Variants in OPN3 observed in about 807,000 individuals in gnomAD.
The protein encoded by OPN3 is opsin-3.
In OPN3, 29 loss-of-function variants were observed where a neutral mutation model predicts 33.8. That is an observed-to-expected ratio of 0.86 (90% CI 0.64 to 1.17). OPN3 has a LOEUF of 1.17. Ranked by LOEUF, OPN3 falls within the 50% of genes most tolerant of loss-of-function variation. The pLI is 0.00. For synonymous variants in OPN3, 216 were observed against 216.1 expected, an observed-to-expected ratio of 1.00 and a Z score of 0.00; for missense variants, 437 against 514.1, an observed-to-expected ratio of 0.85 and a Z score of 1.45.
chr1:241,625,627 A>G (rs1664398321), intron 1 of OPN3, among the ~76,000 whole-genome samples: 1 of 152,190 alleles, frequency 6.6e-6, no homozygotes, highest in African/African-American at 2.4e-5. Flanking sequence ...AAACCACCAG[A>G]AGGAAGCCAC....
intron 1 of OPN3, among the ~76,000 whole-genome samples, chr1:241,606,116 G>A (rs1181117531): frequency 2.0e-5 from 3 of 152,168 alleles, no homozygotes; most frequent in Admixed American, 6.5e-5. Context: ...GACATGATGG[G>A]ACCTCAGCTA....
intron 1 of OPN3, chr1:241,629,362 A>C (rs557566435): frequency 6.6e-6 from 1 of 152,302 alleles, no homozygotes; most frequent in African/African-American, 2.4e-5. Context: ...ACATGCAATT[A>C]AAACAGTTTT....
intron 1 of OPN3, chr1:241,635,115 T>C (rs1341311503): frequency 6.2e-7 from 1 of 1,612,864 alleles, no homozygotes; most frequent in Non-Finnish European, 8.5e-7. Flanking sequence ...TGAGAGTAAG[T>C]AATCCTATTT....
chr1:241,610,902 T>C (rs1663972312), intron 1 of OPN3, among the ~76,000 whole-genome samples: 1 of 152,312 alleles, frequency 6.6e-6, no homozygotes, highest in African/African-American at 2.4e-5. Context: ...AAAACTGAGA[T>C]AATAGTACCA....
intron 1 of OPN3, among the ~76,000 whole-genome samples, chr1:241,607,241 G>A (rs113244595): frequency 3.0e-4 from 46 of 152,298 alleles, no homozygotes; most frequent in African/African-American, 8.2e-4. Context: ...AAGGCTGGGC[G>A]TGGTGGCTCA....
chr1:241,638,836 T>C (rs1001530576), intron 1 of OPN3, among the ~76,000 whole-genome samples: 4 of 152,194 alleles, frequency 2.6e-5, no homozygotes, highest in African/African-American at 9.7e-5. Context: ...TAAGAAAATA[T>C]TTTTGATAAT....
intron 1 of OPN3, among the ~76,000 whole-genome samples, chr1:241,616,144 A>C (rs1157632114): frequency 6.6e-6 from 1 of 152,094 alleles, no homozygotes; most frequent in Non-Finnish European, 1.5e-5. Context: ...CCTCTCTCTA[A>C]GATTTGGCCT....
intron 2 of OPN3, 83 bp downstream of exon 2, chr1:241,604,177 A>C (rs1293812011): frequency 3.1e-6 from 4 of 1,288,034 alleles, no homozygotes; most frequent in Non-Finnish European, 4.4e-6. Context: ...CTGATGACAT[A>C]GGAAGACTTT....
intron 1 of OPN3, chr1:241,634,148 T>C: frequency 6.2e-7 from 1 of 1,613,374 alleles, no homozygotes; most frequent in Non-Finnish European, 8.5e-7. Context: ...AAGTTCTTCC[T>C]CGTTTATTTC....
At chr1:241,606,542 A>G (rs1460094446) in intron 1 of OPN3, among the ~76,000 whole-genome samples, 1 of 125,024 alleles carries the variant, frequency 8.0e-6, no homozygotes, top group Non-Finnish European at 1.7e-5. Flanking sequence ...TGAGACTCTG[A>G]TTCAAAATAA....
At chr1:241,628,331 G>GT (rs1205763045) in intron 1 of OPN3, among the ~76,000 whole-genome samples, 3 of 152,080 alleles carry the variant, frequency 2.0e-5, no homozygotes, top group Non-Finnish European at 2.9e-5. Flanking sequence ...ACTTATTTTT[G>GT]TATCTCTAAT....
chr1:241,605,067 A>AT (rs1553354028), intron 1 of OPN3, among the ~76,000 whole-genome samples: 4 of 90,946 alleles, frequency 4.4e-5, no homozygotes, highest in Admixed American at 1.1e-4. Flanking sequence ...AAAAAAAAAA[A>AT]AATAAAATAA....
intron 1 of OPN3, chr1:241,639,042 G>A (rs1665010737): frequency 6.6e-6 from 1 of 152,188 alleles, no homozygotes; most frequent in Middle Eastern, 3.2e-3. Context: ...TTGCTGAGTT[G>A]TTGATCATCC....
intron 1 of OPN3, among the ~76,000 whole-genome samples, chr1:241,614,445 T>C (rs1160945244): frequency 6.6e-6 from 1 of 152,234 alleles, no homozygotes; most frequent in Non-Finnish European, 1.5e-5. Context: ...CATTGCATTT[T>C]TTTTCTATTA....
chr1:241,635,388 C>T (rs776665085), intron 1 of OPN3: 11 of 1,613,990 alleles, frequency 6.8e-6, no homozygotes, highest in Non-Finnish European at 5.9e-6. Context: ...GTATTAGACA[C>T]CCCCAAAGAA....
At chr1:241,609,169 G>T (rs1020671369) in intron 1 of OPN3, among the ~76,000 whole-genome samples, 6 of 152,122 alleles carry the variant, frequency 3.9e-5, no homozygotes, top group Non-Finnish European at 8.8e-5. Flanking sequence ...TACTTCAAAT[G>T]GTGCATCCAT....
chr1:241,625,647 T>G (rs1664398746), intron 1 of OPN3, among the ~76,000 whole-genome samples: 1 of 152,148 alleles, frequency 6.6e-6, no homozygotes, highest in South Asian at 2.1e-4. Context: ...CTGTGAAGAT[T>G]GGCGAGGGAA....
At chr1:241,637,912 T>TC (rs1442142032) in intron 1 of OPN3, among the ~76,000 whole-genome samples, 1 of 152,144 alleles carries the variant, frequency 6.6e-6, no homozygotes, top group African/African-American at 2.4e-5. Context: ...TTTAACTTCC[T>TC]CCCCTTCAAT....
intron 1 of OPN3, chr1:241,629,629 T>G (rs1664540751): frequency 6.6e-6 from 1 of 152,120 alleles, no homozygotes; most frequent in South Asian, 2.1e-4. Context: ...TTCTCTTAGT[T>G]GATCTACCTT....
Sources: gnomAD v4.1 joint callset for allele counts (sites outside exome capture counted in the v4.1 genomes callset) on GRCh38, gnomAD v4.1.1 for gene constraint, MANE v1.5 for transcripts, NCBI Gene and HGNC (gene_info 2026-07-23, HGNC 2026-07-21) for gene names.